Variants in SMPD3 observed in about 807,000 individuals in gnomAD.
SMPD3 encodes the protein sphingomyelin phosphodiesterase 3, also known as nSMase-2.
Under a neutral mutation model 55.7 loss-of-function variants are expected in SMPD3, and 21 were observed. The ratio of observed to expected loss-of-function variants is 0.38; its 90% CI spans 0.27 to 0.54. SMPD3 has a LOEUF of 0.54. SMPD3 is among the 20% of genes least tolerant of loss of function. SMPD3 has a pLI of 0.80. For synonymous variants in SMPD3, 457 were observed against 404.3 expected, an observed-to-expected ratio of 1.13 and a Z score of -1.56; for missense variants, 842 against 899.6, an observed-to-expected ratio of 0.94 and a Z score of 0.82.
At chr16:68,382,552 G>A (rs1455679938) in intron 2 of SMPD3, among the ~76,000 whole-genome samples, 1 of 152,230 alleles carries the variant, frequency 6.6e-6, no homozygotes. Context: ...GGGAGGGTGT[G>A]GAGATAGGAA....
chr16:68,410,148 A>G (rs537376829), intron 1 of SMPD3, among the ~76,000 whole-genome samples: 1 of 152,294 alleles, frequency 6.6e-6, no homozygotes, highest in East Asian at 1.9e-4. Flanking sequence ...AGAGGACTGA[A>G]GACAGTACTC....
At chr16:68,437,923 TCAAGATGGCAGGTC>T (rs1398538271) in intron 1 of SMPD3, among the ~76,000 whole-genome samples, 3 of 152,142 alleles carry the variant, frequency 2.0e-5, no homozygotes, top group Admixed American at 1.3e-4. Context: ...CAGAATGAAT[TCAAGATGGCAGGTC>T]CAAAAAAATC....
chr16:68,410,133 C>A (rs1477585533), intron 1 of SMPD3, among the ~76,000 whole-genome samples: 1 of 152,176 alleles, frequency 6.6e-6, no homozygotes, highest in Non-Finnish European at 1.5e-5. Flanking sequence ...TCCAGCTCCA[C>A]CGCAAGAGGA....
intron 1 of SMPD3, among the ~76,000 whole-genome samples, chr16:68,405,545 C>CAAAAAAAAAAAAAAAAAAAAAA (rs67518521): frequency 1.4e-5 from 1 of 72,990 alleles, no homozygotes; most frequent in Non-Finnish European, 2.7e-5. Flanking sequence ...GACCCTGTCT[C>CAAAAAAAAAAAAAAAAAAAAAA]AAAAAAAAAA....
intron 1 of SMPD3, among the ~76,000 whole-genome samples, chr16:68,395,536 C>T (rs539580388): frequency 5.4e-4 from 83 of 152,360 alleles, no homozygotes; most frequent in Admixed American, 1.4e-3. Context: ...CCATAGCCGT[C>T]ATGTCCCAGT....
intron 1 of SMPD3, among the ~76,000 whole-genome samples, chr16:68,435,313 T>TA (rs917654320): frequency 3.3e-5 from 5 of 152,174 alleles, no homozygotes; most frequent in African/African-American, 4.8e-5. Context: ...CAAACTGTTT[T>TA]AAAAAATCCT....
intron 1 of SMPD3, among the ~76,000 whole-genome samples, chr16:68,436,342 G>A (rs528953726): frequency 2.6e-5 from 4 of 151,950 alleles, no homozygotes; most frequent in East Asian, 1.9e-4. Flanking sequence ...ACACAAGAGC[G>A]TGCATGTGTG....
rs191872821 is a variant in SMPD3, at chr16:68,447,884, C to T, written c.-269+469G>A. ...ATCCCAAGCAGCCCTTCCTGAATAC[C>T]CCTGGGAGGGTCTGGGCTAGGGGAG... On this transcript the variant is annotated intron_variant, in intron 1 of 8. Coordinates refer to ENST00000219334, the MANE Select transcript of SMPD3 (RefSeq NM_018667.4). The surrounding 1 kb of genome is among the most constrained non-coding windows in gnomAD (Gnocchi z 5.1). Among the ~76,000 whole-genome samples the T allele has an allele frequency of 2.0e-5, 3 of 152,194 alleles. No homozygotes were observed. Among genetic ancestry groups the T allele is most frequent in the Admixed American group, 1.3e-4 (2 of 15,300 alleles).
intron 1 of SMPD3, among the ~76,000 whole-genome samples, chr16:68,444,846 C>T (rs1474632763): frequency 1.4e-4 from 21 of 152,256 alleles, no homozygotes; most frequent in African/African-American, 3.9e-4. Flanking sequence ...ACCTTCCAAA[C>T]AGGCAAGGAA....
intron 2 of SMPD3, among the ~76,000 whole-genome samples, chr16:68,376,476 C>T (rs1407172537): frequency 6.6e-6 from 1 of 152,230 alleles, no homozygotes; most frequent in Non-Finnish European, 1.5e-5. Flanking sequence ...ACTGGCAGGA[C>T]CCCCAAAGGC....
intron 1 of SMPD3, among the ~76,000 whole-genome samples, chr16:68,401,232 G>T (rs1317339110): frequency 6.6e-6 from 1 of 152,186 alleles, no homozygotes; most frequent in African/African-American, 2.4e-5. Context: ...CCACCTGAGG[G>T]AAACACAGTG....
At position 68,371,431 on chromosome 16, in the gene SMPD3, C is replaced by A; in HGVS notation, c.751G>T (p.Glu251Ter). Reference protein sequence around the residue: ...DACIVRIGGEEGGRPPEADDP... With the variant: ...DACIVRIGGE ...TCAGCTTCAGGTGGCCGGCCGCCCTCCTCGCCACCGATGCGCACGATGCAG... is the reference window on the plus strand; with the variant it reads ...TCAGCTTCAGGTGGCCGGCCGCCCTACTCGCCACCGATGCGCACGATGCAG... Residue 251 changes from glutamate (E) to a stop codon, truncating the protein, a stop_gained, in exon 3 of 9, where the codon GAG becomes TAG. Coordinates refer to ENST00000219334, the MANE Select transcript of SMPD3 (RefSeq NM_018667.4). LOFTEE classifies it high-confidence loss of function. The A allele has an allele frequency of 6.3e-7, 1 of 1,577,456 alleles. No homozygotes were observed. The highest frequency in any genetic ancestry group is 8.5e-7 in the Non-Finnish European group (1 of 1,169,714).
At chr16:68,427,155 C>A (rs558031060) in intron 1 of SMPD3, among the ~76,000 whole-genome samples, 1 of 152,158 alleles carries the variant, frequency 6.6e-6, no homozygotes, top group South Asian at 2.1e-4. Context: ...TGCCACCATG[C>A]CTGGCTAACT....
Position 68,371,572 on chromosome 16 carries a change from T to A in SMPD3, c.610A>T (p.Ile204Phe). ...DGVARAVPGS[I>F]KRTASVEYKG... ...TACTCCACAGAGGCTGTCCTCTTAATGCTCCCGGGGACGGCCCGGGCCACC... is the reference window on the plus strand; with the variant it reads ...TACTCCACAGAGGCTGTCCTCTTAAAGCTCCCGGGGACGGCCCGGGCCACC... Residue 204 changes from isoleucine to phenylalanine, a missense_variant, in exon 3 of 9, where the codon ATT (isoleucine) becomes TTT (phenylalanine). By Grantham distance (21) the Ile-to-Phe change is conservative. This residue lies in a region of SMPD3 where 649 missense variants were observed against 643.6 expected (regional missense o/e 1.01). Coordinates refer to ENST00000219334, the MANE Select transcript of SMPD3 (RefSeq NM_018667.4). The A allele has an allele frequency of 1.3e-6, 2 of 1,588,336 alleles. No individual in the cohort carries two copies. The highest frequency in any genetic ancestry group is 1.7e-6 in the Non-Finnish European group (2 of 1,169,138).
rs73551984 is a variant in SMPD3, at chr16:68,447,831, A to C, written c.-269+522T>G. Among the ~76,000 whole-genome samples, 1 of 152,058 alleles carries C rather than the reference A, an allele frequency of 6.6e-6. No homozygotes were observed. The highest frequency in any genetic ancestry group is 1.5e-5 in the Non-Finnish European group (1 of 67,974). On this transcript the variant is annotated intron_variant, in intron 1 of 8. Transcript: ENST00000219334. The surrounding 1 kb of genome is among the most constrained non-coding windows in gnomAD (Gnocchi z 5.1). ...ATAGGGAGGGGGGCGAGTGTGGAGG[A>C]AGGGGCCTGGGCAAGGGTCTTCCCT...
intron 2 of SMPD3, among the ~76,000 whole-genome samples, chr16:68,373,739 A>G (rs932433661): frequency 1.3e-5 from 2 of 152,046 alleles, no homozygotes; most frequent in East Asian, 1.9e-4. Context: ...GATGCTCTCT[A>G]TGTAGTCCGC....
chr16:68,407,858 T>C (rs1215710246), intron 1 of SMPD3, among the ~76,000 whole-genome samples: 3 of 152,120 alleles, frequency 2.0e-5, no homozygotes, highest in Non-Finnish European at 4.4e-5. Context: ...ACAGTGAAAA[T>C]AAAAGTTTCT....
intron 2 of SMPD3, among the ~76,000 whole-genome samples, chr16:68,377,035 C>A (rs1567790073): frequency 1.3e-5 from 2 of 152,196 alleles, no homozygotes; most frequent in South Asian, 4.1e-4. Context: ...GCCCTGTTTG[C>A]TCTCCCCAGC....
chr16:68,412,856 T>G (rs981765964), intron 1 of SMPD3, among the ~76,000 whole-genome samples: 7 of 152,232 alleles, frequency 4.6e-5, no homozygotes, highest in African/African-American at 1.7e-4. Context: ...TAGAGGAATA[T>G]GCTGTGCTTT....
Sources: gnomAD v4.1 joint callset for allele counts (sites outside exome capture counted in the v4.1 genomes callset) on GRCh38, gnomAD v4.1.1 for gene constraint, gnomAD v4.1.1 regional missense constraint, Gnocchi (gnomAD v3.1) non-coding constraint, MANE v1.5 for transcripts, NCBI Gene and HGNC (gene_info 2026-07-23, HGNC 2026-07-21) for gene names.